Variants in ABCA5 observed in about 807,000 individuals in gnomAD.
The protein encoded by ABCA5 is ATP binding cassette subfamily A member 5, also known as cholesterol transporter ABCA5.
A neutral mutation model predicts 206.0 loss-of-function variants in ABCA5; 163 were observed. The ratio of observed to expected loss-of-function variants is 0.79; its 90% CI spans 0.70 to 0.90. The LOEUF is 0.90. Among genes scored for constraint, ABCA5 ranks in the 40% least tolerant of loss-of-function variants. The pLI is 0.00. For missense variants in ABCA5, 1,859 were observed against 1,912.9 expected, an observed-to-expected ratio of 0.97 and a Z score of 0.53; for synonymous variants, 609 against 613.8, an observed-to-expected ratio of 0.99 and a Z score of 0.11.
chr17:69,310,982 T>G (rs2075762853), intron 3 of ABCA5, among the ~76,000 whole-genome samples: 1 of 151,784 alleles, frequency 6.6e-6, no homozygotes, highest in South Asian at 2.1e-4. Context: ...AGTCCAGGAG[T>G]AGATTGCTTG....
At position 69,306,817 on chromosome 17, in the gene ABCA5, A is replaced by T. The variant is rs766540082; in HGVS notation, c.696T>A (p.Phe232Leu). 1.3e-6 allele frequency: 2 copies of T among 1,598,578 alleles called. No homozygotes were observed. Among genetic ancestry groups the T allele is most frequent in the Non-Finnish European group, 1.7e-6 (2 of 1,172,418 alleles). ...CGATATGAATTGCCAAAAAGTATCC[A>T]AAAGGTGAAAATGCTATAACTAGGT... is the stretch of plus-strand genomic sequence containing the variant. The part of the protein sequence containing the change: ...LIYLVIAFSP[F>L]GYFLAIHIVA... The change falls in exon 6 of 39, where the codon TTT becomes TTA. Residue 232 changes from phenylalanine to leucine, a missense_variant. Transcript: ENST00000392676.
chr17:69,298,201 A>AGGTAGG (rs2075603566), intron 9 of ABCA5, among the ~76,000 whole-genome samples: 1 of 127,538 alleles, frequency 7.8e-6, no homozygotes, highest in Non-Finnish European at 1.7e-5. Context: ...AGACACAGCA[A>AGGTAGG]AACCCTGTCG....
In ABCA5 at chr17:69,284,023, ATAAG is replaced by A. The variant is rs1406846010; in HGVS notation, c.2318_2321del (p.Ser773LeufsTer5). 2.5e-6 allele frequency: 4 copies of A among 1,606,958 alleles called. No individual in the cohort carries two copies. The highest frequency in any genetic ancestry group is 2.7e-5 in the African/African-American group (2 of 74,592). On this transcript the variant is annotated frameshift_variant, in exon 18 of 39. Coordinates refer to ENST00000392676, the MANE Select transcript of ABCA5 (RefSeq NM_172232.4). LOFTEE classifies it high-confidence loss of function. Reference sequence around the variant, plus strand: ...CTTCCAAAGTCGTCATGGAAACACCATAAGAAATGACACCCAAATTTGAATGACT... The same window carrying A: ...CTTCCAAAGTCGTCATGGAAACACCAAAATGACACCCAAATTTGAATGACT...
intron 10 of ABCA5, among the ~76,000 whole-genome samples, chr17:69,295,836 T>C (rs7217116): frequency 0.042 from 6,468 of 152,278 alleles, 182 homozygotes; most frequent in Non-Finnish European, 0.066. Context: ...TTTCAAATTG[T>C]TACAAATCTC....
At chr17:69,299,863 CA>C (rs906016052) in intron 9 of ABCA5, among the ~76,000 whole-genome samples, 10 of 151,678 alleles carry the variant, frequency 6.6e-5, no homozygotes, top group African/African-American at 2.4e-4. Flanking sequence ...AATAAAACCT[CA>C]AAAAAAGGGG....
At position 69,261,095 on chromosome 17, in the gene ABCA5, T is replaced by C; in HGVS notation, c.3564+30A>G. 3 of 1,486,822 alleles carry C rather than the reference T, an allele frequency of 2.0e-6. 1 individual carries two copies. The South Asian group carries it at 4.0e-5, about 20-fold the overall frequency. 92.1% of individuals were successfully genotyped at this position (1,486,822 alleles called of 1,614,324 possible). A position where few individuals can be genotyped will look rare whatever the true frequency, so the allele number is the denominator to read the frequency against. On this transcript the variant is annotated intron_variant, in intron 26 of 38. Coordinates refer to ENST00000392676, the MANE Select transcript of ABCA5 (RefSeq NM_172232.4). The stretch of plus-strand genomic sequence containing the variant: ...TTAGACCATATTTATTTTATGTTTT[T>C]TAACATATTAAAATATTTAGCAGAA...
At chr17:69,260,456 A>G in intron 26 of ABCA5, 44 bp from the exon 27 acceptor site, 1 of 1,244,204 alleles carries the variant, frequency 8.0e-7, no homozygotes, top group South Asian at 1.3e-5. Flanking sequence ...CAATATGTAG[A>G]AATATTTGGA....
intron 26 of ABCA5, among the ~76,000 whole-genome samples, chr17:69,260,681 G>T (rs1050578528): frequency 5.3e-5 from 8 of 151,806 alleles, no homozygotes; most frequent in African/African-American, 1.9e-4. Context: ...TCCAAACCAA[G>T]AATTCATAAC....
intron 23 of ABCA5, among the ~76,000 whole-genome samples, chr17:69,265,700 T>C (rs1036682285): frequency 2.6e-5 from 4 of 151,890 alleles, no homozygotes; most frequent in Non-Finnish European, 5.9e-5. Context: ...ATGAACAAAA[T>C]TGGCAAGTTT....
Position 69,301,813 on chromosome 17 carries a change from A to C in ABCA5, c.1120-527T>G, listed in dbSNP as rs78157157. Among the ~76,000 whole-genome samples, 1,101 of 152,268 alleles carry C rather than the reference A, an allele frequency of 7.2e-3. 18 individuals carry two copies. The highest frequency in any genetic ancestry group is 0.025 in the African/African-American group (1,056 of 41,560). ...GAGGTTGAAGCCTCATTTAGGTCCT[A>C]GCCCTGCCATTAAGTGAATACGCTT... On this transcript the variant is annotated intron_variant, in intron 8 of 38. Coordinates refer to ENST00000392676, the MANE Select transcript of ABCA5 (RefSeq NM_172232.4).
chr17:69,271,189 C>T lies in ABCA5; in HGVS notation c.2865G>A (p.Ala955=), dbSNP rs772613751. The T allele has an allele frequency of 1.9e-5, 30 of 1,612,826 alleles. No homozygotes were observed. The highest frequency in any genetic ancestry group is 6.7e-5 in the East Asian group (3 of 44,814). ...SDYVSVAPHS[A]ALNVMHSEKD... is the part of the protein sequence containing the mutation. ...TTTCTGAATGCATCACATTTAAAGC[C>T]GCACTATGGGGAGCCACGGATACAT... The change falls in exon 21 of 39, where the codon GCG becomes GCA. Residue 955 remains alanine, a synonymous_variant. Coordinates refer to ENST00000392676, the MANE Select transcript of ABCA5 (RefSeq NM_172232.4).
chr17:69,293,833 G>GGGGTGTGTGTGTGTGTGTGTGT (rs529106926), intron 11 of ABCA5, among the ~76,000 whole-genome samples: 1 of 123,726 alleles, frequency 8.1e-6, no homozygotes, highest in East Asian at 2.6e-4. Flanking sequence ...CAATCATACT[G>GGGGTGTGTGTGTGTGTGTGTGT]GTGTGTGTGT....
intron 36 of ABCA5, 41 bp from the exon 37 acceptor site, chr17:69,250,025 C>A: frequency 7.9e-7 from 1 of 1,268,698 alleles, no homozygotes; most frequent in Non-Finnish European, 1.1e-6. Flanking sequence ...TTAAAAATTA[C>A]TACTATTATG....
chr17:69,255,534 A>C lies in ABCA5; in HGVS notation c.4068+9T>G. ...CATTCAACATATCCTATACTCTTAT[A>C]TATCATACCTGGCCTGAAGTTGGTT... On this transcript the variant is annotated intron_variant, in intron 31 of 38. Transcript: ENST00000392676. 6.6e-7 allele frequency: 1 copy of C among 1,515,478 alleles called. No homozygotes were observed. The highest frequency in any genetic ancestry group is 8.8e-7 in the Non-Finnish European group (1 of 1,129,944). The allele number at this position is 1,515,478 out of a possible 1,614,324, so 93.9% of individuals were successfully genotyped here.
intron 1 of ABCA5, chr17:69,318,607 T>C (rs988440013): frequency 1.7e-5 from 5 of 298,904 alleles, no homozygotes; most frequent in Non-Finnish European, 3.1e-5. Context: ...TTAGACATAC[T>C]GTAAAAATAC....
At chr17:69,306,428 T>C (rs191716399) in intron 6 of ABCA5, among the ~76,000 whole-genome samples, 137 of 152,256 alleles carry the variant, frequency 9.0e-4, no homozygotes, top group African/African-American at 3.2e-3. Flanking sequence ...GTGGAGTATA[T>C]TGAAATACAC....
chr17:69,301,435 A>T, intron 8 of ABCA5, 149 bp from the exon 9 acceptor site: 1 of 504,902 alleles, frequency 2.0e-6, no homozygotes, highest in Non-Finnish European at 3.3e-6. Context: ...TTAATAATAT[A>T]AATTTATAAG....
intron 12 of ABCA5, 29 bp from the exon 13 acceptor site, chr17:69,290,066 C>T (rs2075508988): frequency 7.1e-7 from 1 of 1,402,624 alleles, no homozygotes; most frequent in Admixed American, 2.3e-5. Context: ...TTTAAATGTA[C>T]ATTAATTATT....
chr17:69,273,815 G>T, intron 20 of ABCA5, 144 bp downstream of exon 20: 1 of 737,868 alleles, frequency 1.4e-6, no homozygotes, highest in Non-Finnish European at 2.0e-6. Context: ...GCATCAATAA[G>T]ATACGTATTG....
Sources: gnomAD v4.1 joint callset for allele counts (sites outside exome capture counted in the v4.1 genomes callset) on GRCh38, gnomAD v4.1.1 for gene constraint, MANE v1.5 for transcripts, NCBI Gene and HGNC (gene_info 2026-07-23, HGNC 2026-07-21) for gene names.